IDO2: variants seen among roughly 807,000 people sequenced by gnomAD.
IDO2 encodes indoleamine 2,3-dioxygenase 2.
IDO2 carries 46 observed loss-of-function variants against 45.1 expected under a neutral mutation model. That is an observed-to-expected ratio of 1.02 (90% CI 0.80 to 1.30). IDO2 has a LOEUF of 1.30. Ranked by LOEUF, IDO2 falls within the 50% of genes most tolerant of loss-of-function variation. IDO2 has a pLI of 0.00. For synonymous variants in IDO2, 218 were observed against 184.9 expected (o/e 1.18, Z -1.45); for missense variants, 544 against 491.8 (o/e 1.11, Z -1.00).
intron 5 of IDO2, among the ~76,000 whole-genome samples, chr8:39,983,874 T>A (rs1006811063): frequency 6.6e-6 from 1 of 151,440 alleles, no homozygotes; most frequent in African/African-American, 2.4e-5. Flanking sequence ...AAAAAAAAAT[T>A]ATGTGCCCCA....
At chr8:40,001,342 TGG>T (rs1802134819) in intron 8 of IDO2, among the ~76,000 whole-genome samples, 1 of 148,914 alleles carries the variant, frequency 6.7e-6, no homozygotes, top group East Asian at 2.0e-4. Context: ...CTCCACTTCC[TGG>T]GTTCGAGCAA....
At chr8:39,952,056 T>C (rs1807821855) in intron 2 of IDO2, among the ~76,000 whole-genome samples, 1 of 152,222 alleles carries the variant, frequency 6.6e-6, no homozygotes, top group Admixed American at 6.5e-5. Context: ...CAAAATGTAC[T>C]TCCTTGTTTC....
At chr8:39,977,311 C>T (rs533655000) in intron 3 of IDO2, among the ~76,000 whole-genome samples, 12 of 152,300 alleles carry the variant, frequency 7.9e-5, no homozygotes, top group African/African-American at 2.4e-4. Flanking sequence ...TACCTGGTTT[C>T]GGCTAAGAGA....
At chr8:39,944,517 G>A (rs1807703022) in intron 1 of IDO2, among the ~76,000 whole-genome samples, 1 of 152,060 alleles carries the variant, frequency 6.6e-6, no homozygotes, top group Non-Finnish European at 1.5e-5. Context: ...CTTCCTCAAG[G>A]ACTTAGCTTG....
At chr8:39,949,764 C>T (rs745596900) in intron 2 of IDO2, among the ~76,000 whole-genome samples, 2 of 151,984 alleles carry the variant, frequency 1.3e-5, no homozygotes, top group African/African-American at 2.4e-5. Context: ...ATCACTATTG[C>T]GACATTTTGA....
At chr8:39,938,994 C>T (rs1431026936) in intron 1 of IDO2, among the ~76,000 whole-genome samples, 1 of 152,200 alleles carries the variant, frequency 6.6e-6, no homozygotes, top group African/African-American at 2.4e-5. Context: ...TGGCTCATGC[C>T]TGTAATCCCA....
intron 3 of IDO2, among the ~76,000 whole-genome samples, chr8:39,965,405 T>G (rs1808069747): frequency 1.3e-5 from 2 of 152,128 alleles, no homozygotes; most frequent in Non-Finnish European, 2.9e-5. Flanking sequence ...AAGAATCACT[T>G]GAACCCAGGA....
intron 3 of IDO2, 67 bp downstream of exon 3, chr8:39,963,770 TTGTGGAAG>T: frequency 1.1e-6 from 1 of 914,750 alleles, no homozygotes; most frequent in Non-Finnish European, 1.7e-6. Flanking sequence ...TTTCTTAGCC[TTGTGGAAG>T]TGTGTCAATT....
chr8:40,011,296 TG>T (rs1802307711), intron 9 of IDO2, among the ~76,000 whole-genome samples: 1 of 152,212 alleles, frequency 6.6e-6, no homozygotes, highest in Non-Finnish European at 1.5e-5. Flanking sequence ...ACTGACCCTT[TG>T]AGAGTGCAAC....
rs759104400 is a variant in IDO2, at chr8:40,005,385, A to G, written c.719+7A>G. 2.6e-6 allele frequency: 4 copies of G among 1,545,442 alleles called. No homozygotes were observed. In the African/African-American group the frequency reaches 5.4e-5, roughly 21 times the overall value. On this transcript the variant is annotated splice_region_variant and intron_variant, in intron 9 of 10. Coordinates refer to ENST00000502986, the Ensembl canonical transcript of IDO2. Reference sequence around the variant, plus strand: ...TCCGGATCTTTCTCTCTGGGTAAGTATAGTTCAGTTGTTTTCCTGTGTGAA... The same window carrying G: ...TCCGGATCTTTCTCTCTGGGTAAGTGTAGTTCAGTTGTTTTCCTGTGTGAA...
intron 8 of IDO2, among the ~76,000 whole-genome samples, chr8:39,993,541 G>C (rs1045988544): frequency 2.6e-5 from 4 of 152,206 alleles, no homozygotes; most frequent in Middle Eastern, 3.4e-3. Context: ...TTCTGCTACT[G>C]TTCCTTTCTC....
chr8:39,936,162 T>C (rs16888365), intron 1 of IDO2, among the ~76,000 whole-genome samples: 28,007 of 152,136 alleles, frequency 0.18, 2,974 homozygotes, highest in East Asian at 0.31. Context: ...TGCTTCCAGA[T>C]TTATTCTACC....
At chr8:39,980,316 C>T (rs181483939) in intron 4 of IDO2, among the ~76,000 whole-genome samples, 1 of 152,268 alleles carries the variant, frequency 6.6e-6, no homozygotes, top group Admixed American at 6.5e-5. Flanking sequence ...AAGGCCAGAA[C>T]CCAGGTCTTC....
chr8:40,005,479 C>A (rs1423736816), intron 9 of IDO2, 101 bp downstream of exon 9: 1 of 654,086 alleles, frequency 1.5e-6, no homozygotes. Context: ...AAGAAACATA[C>A]CAAGTGACTC....
At chr8:39,942,544 G>A (rs189096830) in intron 1 of IDO2, among the ~76,000 whole-genome samples, 141 of 152,256 alleles carry the variant, frequency 9.3e-4, no homozygotes, top group Non-Finnish European at 1.6e-3. Context: ...GGAGGCTGAG[G>A]CAGAAGAATT....
intron 8 of IDO2, among the ~76,000 whole-genome samples, chr8:39,990,258 G>A (rs1256971584): frequency 6.6e-6 from 1 of 152,188 alleles, no homozygotes; most frequent in Non-Finnish European, 1.5e-5. Context: ...TTCCTGAGAT[G>A]TCTGACCTTG....
intron 8 of IDO2, chr8:39,995,128 A>C: frequency 1.4e-5 from 2 of 144,696 alleles, no homozygotes; most frequent in African/African-American, 5.2e-5. Flanking sequence ...CAGCCTATAA[A>C]ATTATTCTTA....
chr8:39,987,901 G>A (rs1808448510), exon 7 of IDO2: 2 of 1,611,128 alleles, frequency 1.2e-6, no homozygotes, highest in African/African-American at 1.3e-5. Flanking sequence ...CATTTCCTGG[G>A]GGAGAGAGCC....
At chr8:39,937,799 G>A (rs1401535505) in intron 1 of IDO2, among the ~76,000 whole-genome samples, 1 of 152,122 alleles carries the variant, frequency 6.6e-6, no homozygotes, top group Non-Finnish European at 1.5e-5. Flanking sequence ...GGGATTACAG[G>A]TGTGAGCAAA....
Sources: gnomAD v4.1 joint callset for allele counts (sites outside exome capture counted in the v4.1 genomes callset) on GRCh38, gnomAD v4.1.1 for gene constraint, MANE v1.5 for transcripts, NCBI Gene and HGNC (gene_info 2026-07-23, HGNC 2026-07-21) for gene names.